KLF17: variants seen among roughly 807,000 people sequenced by gnomAD.
KLF17 encodes the protein KLF transcription factor 17.
Under a neutral mutation model 34.2 loss-of-function variants are expected in KLF17, and 31 were observed. The ratio of observed to expected loss-of-function variants is 0.91; its 90% CI spans 0.68 to 1.22. The LOEUF (loss-of-function observed/expected upper bound fraction) is 1.22. Among genes scored for constraint, KLF17 ranks in the 50% most tolerant of loss-of-function variants. KLF17 has a pLI of 0.00. For synonymous variants in KLF17, 179 were observed against 186.7 expected, an observed-to-expected ratio of 0.96 and a Z score of 0.34; for missense variants, 478 against 505.2, an observed-to-expected ratio of 0.95 and a Z score of 0.52.
At chr1:44,098,297 A>G in the KLF17 span, among the ~76,000 whole-genome samples, 1 of 151,990 alleles carries the variant, frequency 6.6e-6, no homozygotes, top group African/African-American at 2.4e-5. Flanking sequence ...CTGTGGTATC[A>G]GTTGTAATGT....
chr1:44,097,877 T>C, the KLF17 span, among the ~76,000 whole-genome samples: 1 of 152,200 alleles, frequency 6.6e-6, no homozygotes, highest in East Asian at 1.9e-4. Context: ...AATGATCTTA[T>C]GGTTTTTGTC....
chr1:44,120,218 A>G (rs1238355950), intron 1 of KLF17, among the ~76,000 whole-genome samples: 1 of 152,240 alleles, frequency 6.6e-6, no homozygotes, highest in Non-Finnish European at 1.5e-5. Flanking sequence ...CCATTAGAAG[A>G]GCATGTGGGC....
chr1:44,087,722 TTTTATATATATATA>T, the KLF17 span, among the ~76,000 whole-genome samples: 1 of 56,474 alleles, frequency 1.8e-5, no homozygotes, highest in African/African-American at 6.2e-5. Context: ...TTCCTATATA[TTTTATATATATATA>T]TATATATATA....
the KLF17 span, among the ~76,000 whole-genome samples, chr1:44,049,371 T>G: frequency 1.0e-3 from 157 of 152,330 alleles, no homozygotes; most frequent in African/African-American, 3.6e-3. Flanking sequence ...GCCTCTCTTG[T>G]GCTACCTCCC....
At chr1:44,066,346 C>CA in the KLF17 span, among the ~76,000 whole-genome samples, 43 of 145,252 alleles carry the variant, frequency 3.0e-4, no homozygotes, top group African/African-American at 1.0e-3. Flanking sequence ...ACCCTCCCCC[C>CA]AAAAAAAACA....
the KLF17 span, among the ~76,000 whole-genome samples, chr1:44,106,135 C>T: frequency 6.6e-6 from 1 of 152,080 alleles, no homozygotes. Context: ...TACACTCATC[C>T]TATTCCTACT....
chr1:44,071,015 G>A, the KLF17 span, among the ~76,000 whole-genome samples: 16 of 152,068 alleles, frequency 1.1e-4, no homozygotes, highest in African/African-American at 2.2e-4. Flanking sequence ...TCAGCCCTGC[G>A]GTCAAACCTC....
the KLF17 span, among the ~76,000 whole-genome samples, chr1:44,046,967 G>A: frequency 3.0e-3 from 450 of 148,658 alleles, no homozygotes; most frequent in African/African-American, 0.01. Flanking sequence ...AGGCTGCAGT[G>A]AGCCGAGCGA....
At chr1:44,123,853 A>G (rs1021277447) in intron 1 of KLF17, among the ~76,000 whole-genome samples, 2 of 150,968 alleles carry the variant, frequency 1.3e-5, no homozygotes, top group Non-Finnish European at 2.9e-5. Context: ...TAATTTCCAC[A>G]CAGATTTGTA....
chr1:44,092,932 G>A, the KLF17 span, among the ~76,000 whole-genome samples: 1 of 152,156 alleles, frequency 6.6e-6, no homozygotes, highest in Non-Finnish European at 1.5e-5. Flanking sequence ...AAAAGCAAAT[G>A]GGCATCCCCC....
chr1:44,094,754 T>C, the KLF17 span, among the ~76,000 whole-genome samples: 1 of 152,172 alleles, frequency 6.6e-6, no homozygotes, highest in African/African-American at 2.4e-5. Flanking sequence ...AATTCTGTAG[T>C]ATAATTTGAA....
At chr1:44,123,489 T>C (rs1386722876) in intron 1 of KLF17, among the ~76,000 whole-genome samples, 2 of 152,230 alleles carry the variant, frequency 1.3e-5, no homozygotes, top group Non-Finnish European at 2.9e-5. Flanking sequence ...TTTCTCATGT[T>C]CAATCATTTG....
chr1:44,052,129 G>T, the KLF17 span: 2 of 152,194 alleles, frequency 1.3e-5, no homozygotes, highest in Non-Finnish European at 2.9e-5. Flanking sequence ...GACCCAGCAG[G>T]CTTCCTGAGC....
the KLF17 span, among the ~76,000 whole-genome samples, chr1:44,064,786 T>C: frequency 6.6e-6 from 1 of 152,240 alleles, no homozygotes. Flanking sequence ...AAAATTCTAT[T>C]AGTCATTTGA....
the KLF17 span, among the ~76,000 whole-genome samples, chr1:44,074,533 G>A: frequency 6.6e-6 from 1 of 152,214 alleles, no homozygotes; most frequent in Non-Finnish European, 1.5e-5. Flanking sequence ...TGCACTGTGT[G>A]TCTAGAAGCT....
the KLF17 span, among the ~76,000 whole-genome samples, chr1:44,050,491 T>C: frequency 2.0e-5 from 3 of 152,218 alleles, no homozygotes; most frequent in East Asian, 5.8e-4. Context: ...CTAATTTGCA[T>C]GTACTTAAAA....
chr1:44,118,894 C>CCCA lies in KLF17; in HGVS notation c.-11_-9dup, dbSNP rs751175626. ...TGTCTCTTCAGTAGAGAGTCTAGAC[C>CCCA]CCACCCAGTCTTCATGTACGGCCGA... On this transcript the variant is annotated 5_prime_UTR_variant, in exon 1 of 4. Coordinates refer to ENST00000372299, the MANE Select transcript of KLF17 (RefSeq NM_173484.4). The CCCA allele has an allele frequency of 8.3e-5, 133 of 1,606,762 alleles. No individual in the cohort carries two copies. Among genetic ancestry groups the CCCA allele is most frequent in the Admixed American group, 1.2e-4 (7 of 59,340 alleles).
chr1:44,045,063 T>A, the KLF17 span: 5 of 152,192 alleles, frequency 3.3e-5, no homozygotes, highest in Non-Finnish European at 7.3e-5. Context: ...TGGCTGAGCT[T>A]GGCCATGATC....
the KLF17 span, chr1:44,088,610 A>G: frequency 2.6e-5 from 4 of 152,216 alleles, no homozygotes; most frequent in Admixed American, 1.3e-4. Flanking sequence ...GTCCTATGCG[A>G]TAGGGCCACT....
Sources: gnomAD v4.1 joint callset for allele counts (sites outside exome capture counted in the v4.1 genomes callset) on GRCh38, gnomAD v4.1.1 for gene constraint, MANE v1.5 for transcripts, NCBI Gene and HGNC (gene_info 2026-07-23, HGNC 2026-07-21) for gene names.